The following ARHGAP42 variants were observed in gnomAD, a reference collection of about 807,000 sequenced individuals.
ARHGAP42 encodes the protein rho GTPase-activating protein 42.
A neutral mutation model predicts 125.0 loss-of-function variants in ARHGAP42; 63 were observed. The ratio of observed to expected loss-of-function variants is 0.50; its 90% CI spans 0.41 to 0.62. The LOEUF (loss-of-function observed/expected upper bound fraction) is 0.62, where lower values mean the gene tolerates loss of function less well. Among genes scored for constraint, ARHGAP42 ranks in the 20% least tolerant of loss-of-function variants. The pLI is 0.00. For missense variants in ARHGAP42, 766 were observed against 1,024.2 expected (o/e 0.75, Z 3.44); for synonymous variants, 339 against 351.0 (o/e 0.97, Z 0.38).
At chr11:100,882,475 T>C (rs937509659) in intron 4 of ARHGAP42, among the ~76,000 whole-genome samples, 3 of 152,142 alleles carry the variant, frequency 2.0e-5, no homozygotes, top group Non-Finnish European at 4.4e-5. Flanking sequence ...CTTTTTGATA[T>C]GTTGTTGGAT....
intron 6 of ARHGAP42, among the ~76,000 whole-genome samples, chr11:100,931,215 T>G (rs79737387): frequency 0.046 from 7,007 of 152,288 alleles, 312 homozygotes; most frequent in East Asian, 0.25. Flanking sequence ...CTAAAAATTT[T>G]GCATTTTGGA....
chr11:100,864,290 T>G (rs984644938), intron 4 of ARHGAP42, among the ~76,000 whole-genome samples: 1 of 151,952 alleles, frequency 6.6e-6, no homozygotes, highest in African/African-American at 2.4e-5. Context: ...CTTCATGTGA[T>G]TCTCCTGCTT....
chr11:100,879,640 G>A (rs1276583915), intron 4 of ARHGAP42, among the ~76,000 whole-genome samples: 2 of 152,026 alleles, frequency 1.3e-5, no homozygotes, highest in Admixed American at 6.6e-5. Context: ...TTACAACATA[G>A]ACTTTGCCTG....
intron 18 of ARHGAP42, 28 bp downstream of exon 18, chr11:100,973,362 C>T: frequency 6.5e-7 from 1 of 1,546,508 alleles, no homozygotes; most frequent in Non-Finnish European, 8.7e-7. Context: ...GTGGAAGTGT[C>T]AAGTTTTATA....
intron 22 of ARHGAP42, among the ~76,000 whole-genome samples, chr11:100,979,745 T>C (rs1858484063): frequency 6.6e-6 from 1 of 151,918 alleles, no homozygotes; most frequent in Non-Finnish European, 1.5e-5. Flanking sequence ...TAGGAGACAC[T>C]CAATGCCTAT....
chr11:100,801,546 TA>T (rs1261449309), intron 3 of ARHGAP42, among the ~76,000 whole-genome samples: 1 of 152,244 alleles, frequency 6.6e-6, no homozygotes, highest in African/African-American at 2.4e-5. Context: ...ACATGGGTTT[TA>T]GAAATGGAAC....
At chr11:100,710,408 T>TG (rs57943995) in intron 1 of ARHGAP42, among the ~76,000 whole-genome samples, 2 of 150,976 alleles carry the variant, frequency 1.3e-5, no homozygotes, top group African/African-American at 4.9e-5. Context: ...TTTTTTTTTT[T>TG]GTATTTTTAG....
intron 3 of ARHGAP42, among the ~76,000 whole-genome samples, chr11:100,796,678 G>T (rs1863724059): frequency 6.6e-6 from 1 of 151,004 alleles, no homozygotes; most frequent in Admixed American, 6.6e-5. Flanking sequence ...CTAATATGGA[G>T]AAAATTTTAG....
intron 5 of ARHGAP42, among the ~76,000 whole-genome samples, chr11:100,921,226 TATATATATATATATATATA>T (rs1867244764): frequency 3.8e-5 from 3 of 79,602 alleles, no homozygotes; most frequent in African/African-American, 1.5e-4. Flanking sequence ...TATATATATA[TATATATATATATATATATA>T]TTTTTTTTTT....
chr11:100,942,007 G>A (rs1867898488), intron 9 of ARHGAP42, 123 bp downstream of exon 9: 9 of 771,676 alleles, frequency 1.2e-5, no homozygotes, highest in Admixed American at 9.8e-5. Flanking sequence ...AAAATAGAAG[G>A]TCAAAGGTTT....
chr11:100,803,115 C>G (rs528683877), intron 3 of ARHGAP42, among the ~76,000 whole-genome samples: 2 of 151,984 alleles, frequency 1.3e-5, no homozygotes, highest in African/African-American at 2.4e-5. Context: ...ATGAAGATGC[C>G]TGTAATCTCA....
At chr11:100,899,734 GTT>G (rs1439404512) in intron 4 of ARHGAP42, among the ~76,000 whole-genome samples, 2 of 63,798 alleles carry the variant, frequency 3.1e-5, no homozygotes, top group African/African-American at 2.0e-4. Flanking sequence ...TTTTTTTTTT[GTT>G]TTTTTTTGCT....
chr11:100,698,431 A>T (rs1861327738), intron 1 of ARHGAP42, among the ~76,000 whole-genome samples: 1 of 152,218 alleles, frequency 6.6e-6, no homozygotes, highest in Non-Finnish European at 1.5e-5. Context: ...TGATCACGCC[A>T]CTGTACTCCA....
At chr11:100,914,835 G>A (rs1216411822) in intron 5 of ARHGAP42, among the ~76,000 whole-genome samples, 1 of 152,108 alleles carries the variant, frequency 6.6e-6, no homozygotes, top group African/African-American at 2.4e-5. Context: ...CTACCTCTGA[G>A]TTCAACCAGA....
At chr11:100,960,859 C>G (rs1857935428) in intron 13 of ARHGAP42, 56 bp from the exon 14 acceptor site, 1 of 1,195,222 alleles carries the variant, frequency 8.4e-7, no homozygotes, top group East Asian at 2.8e-5. Context: ...TTTTAACATT[C>G]TGTACTTGCC....
At position 100,722,578 on chromosome 11, in the gene ARHGAP42, C is replaced by T. The variant is rs138809778; in HGVS notation, c.154+34746C>T. On this transcript the variant is annotated intron_variant, in intron 1 of 23. Transcript: ENST00000298815. Reference sequence around the variant, plus strand: ...GGTAATTTTGTATTTTTAGTAGAGACGGGTTTCACCATGTTGGCCAGGCTA... The same window carrying T: ...GGTAATTTTGTATTTTTAGTAGAGATGGGTTTCACCATGTTGGCCAGGCTA... Among the ~76,000 whole-genome samples, 1,112 of 151,934 alleles carry T rather than the reference C, an allele frequency of 7.3e-3. 12 individuals are homozygous for T. The highest frequency in any genetic ancestry group is 0.025 in the African/African-American group (1,043 of 41,454).
At chr11:100,846,214 C>T (rs977560172) in intron 3 of ARHGAP42, among the ~76,000 whole-genome samples, 1 of 152,142 alleles carries the variant, frequency 6.6e-6, no homozygotes, top group African/African-American at 2.4e-5. Flanking sequence ...AGGTGGTCTT[C>T]ATTTGCTATC....
chr11:100,944,555 C>T (rs12417366), intron 10 of ARHGAP42, among the ~76,000 whole-genome samples: 2 of 151,828 alleles, frequency 1.3e-5, no homozygotes, highest in Admixed American at 1.3e-4. Flanking sequence ...TGCTCATAAA[C>T]TACAGCCTAT....
At chr11:100,940,534 C>T (rs1413589775) in intron 8 of ARHGAP42, among the ~76,000 whole-genome samples, 1 of 152,076 alleles carries the variant, frequency 6.6e-6, no homozygotes, top group Non-Finnish European at 1.5e-5. Flanking sequence ...TGATAAATTC[C>T]CTAAGGAGAA....
Sources: gnomAD v4.1 joint callset for allele counts (sites outside exome capture counted in the v4.1 genomes callset) on GRCh38, gnomAD v4.1.1 for gene constraint, MANE v1.5 for transcripts, NCBI Gene and HGNC (gene_info 2026-07-23, HGNC 2026-07-21) for gene names.